Variants in EBF1 observed in about 807,000 individuals in gnomAD.
EBF1 encodes the protein EBF transcription factor 1.
Under a neutral mutation model 68.4 loss-of-function variants are expected in EBF1, and 10 were observed. The observed-to-expected ratio is 0.15, with a 90% CI of 0.09 to 0.25. The LOEUF (loss-of-function observed/expected upper bound fraction) is 0.25. Among genes scored for constraint, EBF1 ranks in the 10% least tolerant of loss-of-function variants. The pLI, the probability that EBF1 is intolerant of heterozygous loss-of-function variation, is 1.00. For missense variants in EBF1, 509 were observed against 794.4 expected, an observed-to-expected ratio of 0.64 and a Z score of 4.32; for synonymous variants, 298 against 299.8, an observed-to-expected ratio of 0.99 and a Z score of 0.06.
chr5:158,895,886 T>C (rs1802083885), intron 6 of EBF1, among the ~76,000 whole-genome samples: 1 of 152,230 alleles, frequency 6.6e-6, no homozygotes, highest in Admixed American at 6.5e-5. Flanking sequence ...CTTTTGGAAC[T>C]ATTGACATAT....
At chr5:159,091,503 T>G (rs866654326) in intron 4 of EBF1, among the ~76,000 whole-genome samples, 7 of 152,324 alleles carry the variant, frequency 4.6e-5, no homozygotes, top group Middle Eastern at 6.8e-3. Context: ...AAACTTGCTG[T>G]GTCCTTTTTT....
At chr5:158,819,554 T>G (rs1425675627) in intron 8 of EBF1, among the ~76,000 whole-genome samples, 1 of 152,128 alleles carries the variant, frequency 6.6e-6, no homozygotes, top group Non-Finnish European at 1.5e-5. Flanking sequence ...CTCAGGCCCC[T>G]CAATGACTCC....
chr5:158,799,881 C>T (rs1410148209), intron 8 of EBF1, among the ~76,000 whole-genome samples: 9 of 152,058 alleles, frequency 5.9e-5, no homozygotes, highest in South Asian at 2.1e-4. Flanking sequence ...ATGTTGGAAA[C>T]GAATTCAGTA....
chr5:159,075,282 C>T (rs942984725), intron 5 of EBF1, among the ~76,000 whole-genome samples: 2 of 152,112 alleles, frequency 1.3e-5, no homozygotes, highest in Non-Finnish European at 2.9e-5. Flanking sequence ...ACCCCCTGCA[C>T]CTACCCTCTT....
In EBF1 at chr5:158,697,932, G is replaced by T. The variant is rs1376252612; in HGVS notation, c.*1179C>A. The T allele has an allele frequency of 4.8e-6, 1 of 209,650 alleles. No individual in the cohort carries two copies. The highest frequency in any genetic ancestry group is 9.7e-6 in the Non-Finnish European group (1 of 103,318). The allele number at this position is 209,650 out of a possible 1,614,324, so 13.0% of individuals were successfully genotyped here. A position where few individuals can be genotyped will look rare whatever the true frequency, so the allele number is the denominator to read the frequency against. ...CCCATAGAACAGAAAACTATGTTTT[G>T]GAGGTCTCAACCTTCTTTTCCTTTC... On this transcript the variant is annotated 3_prime_UTR_variant, in exon 16 of 16. Coordinates refer to ENST00000313708, the MANE Select transcript of EBF1 (RefSeq NM_024007.5).
intron 6 of EBF1, among the ~76,000 whole-genome samples, chr5:158,846,089 T>A (rs1232704978): frequency 6.6e-6 from 1 of 152,202 alleles, no homozygotes; most frequent in East Asian, 1.9e-4. Flanking sequence ...CCTCGAAAGT[T>A]CCTCTTGACT....
intron 6 of EBF1, among the ~76,000 whole-genome samples, chr5:159,060,929 T>TACACAC (rs1382603284): frequency 1.2e-5 from 1 of 85,678 alleles, no homozygotes; most frequent in African/African-American, 5.0e-5. Context: ...GGGTTAAAGC[T>TACACAC]ACATACACAC....
intron 6 of EBF1, among the ~76,000 whole-genome samples, chr5:158,945,962 C>T (rs1457938975): frequency 6.6e-6 from 1 of 152,162 alleles, no homozygotes; most frequent in Non-Finnish European, 1.5e-5. Context: ...CTTTCTTCCA[C>T]TTGATCAATT....
intron 10 of EBF1, among the ~76,000 whole-genome samples, chr5:158,733,076 T>C (rs1379411051): frequency 1.3e-5 from 2 of 152,164 alleles, no homozygotes; most frequent in East Asian, 1.9e-4. Flanking sequence ...GAAAATGCCA[T>C]AGAATTCTTT....
intron 11 of EBF1, among the ~76,000 whole-genome samples, chr5:158,729,761 A>G (rs1301949811): frequency 3.9e-5 from 6 of 152,210 alleles, no homozygotes. Context: ...GAAGCTTGAA[A>G]CTGAAGGCAT....
intron 6 of EBF1, among the ~76,000 whole-genome samples, chr5:158,990,119 G>A (rs1212495567): frequency 6.6e-6 from 1 of 152,202 alleles, no homozygotes; most frequent in East Asian, 1.9e-4. Context: ...AATGATTCTA[G>A]ACATGGGATT....
intron 6 of EBF1, among the ~76,000 whole-genome samples, chr5:159,030,306 C>A (rs1768518592): frequency 6.6e-6 from 1 of 151,886 alleles, no homozygotes; most frequent in Admixed American, 6.6e-5. Flanking sequence ...ACTTTTCTAA[C>A]CTTTTTTTAA....
intron 6 of EBF1, among the ~76,000 whole-genome samples, chr5:158,938,085 T>C (rs911026327): frequency 6.6e-6 from 1 of 152,248 alleles, no homozygotes; most frequent in African/African-American, 2.4e-5. Flanking sequence ...TGGTCTTTGC[T>C]CCTGGAATCT....
At chr5:158,942,664 GT>G (rs1215727402) in intron 6 of EBF1, among the ~76,000 whole-genome samples, 1 of 151,986 alleles carries the variant, frequency 6.6e-6, no homozygotes, top group Non-Finnish European at 1.5e-5. Flanking sequence ...AGGAGGAATG[GT>G]CTACTAAAGT....
intron 11 of EBF1, among the ~76,000 whole-genome samples, chr5:158,728,216 G>A (rs1012860010): frequency 5.3e-5 from 8 of 152,150 alleles, no homozygotes; most frequent in Admixed American, 2.0e-4. Flanking sequence ...ACAGCCACTC[G>A]GCTCTGAGTC....
At chr5:159,096,301 C>A in intron 3 of EBF1, 42 bp downstream of exon 3, 3 of 1,597,642 alleles carry the variant, frequency 1.9e-6, no homozygotes, top group Non-Finnish European at 2.6e-6. Flanking sequence ...TGCCCAGACC[C>A]GGAGCCCCAG....
At chr5:158,758,481 C>T (rs1414747644) in intron 10 of EBF1, among the ~76,000 whole-genome samples, 1 of 152,102 alleles carries the variant, frequency 6.6e-6, no homozygotes, top group Non-Finnish European at 1.5e-5. Context: ...TGTTTGCCCA[C>T]AAGGGAAAAA....
At chr5:158,762,003 A>C (rs997481427) in intron 10 of EBF1, among the ~76,000 whole-genome samples, 2 of 152,216 alleles carry the variant, frequency 1.3e-5, no homozygotes, top group African/African-American at 2.4e-5. Flanking sequence ...AGTAGTATAG[A>C]ATAAAATGGG....
At chr5:159,050,419 C>T (rs1773351604) in intron 6 of EBF1, among the ~76,000 whole-genome samples, 1 of 152,126 alleles carries the variant, frequency 6.6e-6, no homozygotes, top group East Asian at 1.9e-4. Flanking sequence ...GTGGCTTCTC[C>T]TACAAGAGGA....
Sources: allele counts gnomAD v4.1 joint callset (sites outside exome capture counted in the v4.1 genomes callset), GRCh38; gene constraint gnomAD v4.1.1; transcripts MANE v1.5; gene names NCBI Gene and HGNC (gene_info 2026-07-23, HGNC 2026-07-21).